ZFHX3: variants seen among roughly 807,000 people sequenced by gnomAD.
The protein encoded by ZFHX3 is zinc finger homeobox 3.
ZFHX3 carries 42 observed loss-of-function variants against 279.1 expected under a neutral mutation model. The observed-to-expected ratio is 0.15, with a 90% CI of 0.12 to 0.19. The LOEUF (loss-of-function observed/expected upper bound fraction) is 0.19. ZFHX3 is among the 10% of genes least tolerant of loss of function. The pLI is 1.00. For missense variants in ZFHX3, 4,981 were observed against 4,754.0 expected (o/e 1.05, Z -1.40); for synonymous variants, 2,293 against 1,957.8 (o/e 1.17, Z -4.52).
chr16:73,675,962 G>A (rs547446991), intron 2 of ZFHX3, among the ~76,000 whole-genome samples: 138 of 151,846 alleles, frequency 9.1e-4, no homozygotes, highest in South Asian at 3.5e-3. Flanking sequence ...TCTAAACAAA[G>A]AATTTAAAAA....
intron 2 of ZFHX3, among the ~76,000 whole-genome samples, chr16:73,491,897 T>C (rs186672049): frequency 1.6e-3 from 250 of 152,280 alleles, no homozygotes; most frequent in Middle Eastern, 3.4e-3. Flanking sequence ...AAATTGTCAA[T>C]GTTGGTGAAG....
At chr16:73,833,016 C>G (rs1961039835) in intron 1 of ZFHX3, among the ~76,000 whole-genome samples, 2 of 152,192 alleles carry the variant, frequency 1.3e-5, no homozygotes, top group South Asian at 4.1e-4. Context: ...AGAAGTCATC[C>G]TGCCCAAGAC....
At chr16:73,223,678 T>G (rs1470361688) in intron 5 of ZFHX3, among the ~76,000 whole-genome samples, 2 of 152,220 alleles carry the variant, frequency 1.3e-5, no homozygotes, top group African/African-American at 4.8e-5. Context: ...CTCTTCCACA[T>G]GATCCAGAAA....
exon 1 of ZFHX3, chr16:73,059,609 C>T (rs1965655374): frequency 7.1e-6 from 1 of 141,678 alleles, no homozygotes; most frequent in African/African-American, 2.6e-5. Context: ...AGAGCATCTC[C>T]AAAGAATGGG....
At chr16:72,981,447 C>T (rs1962596044) in intron 1 of ZFHX3, among the ~76,000 whole-genome samples, 1 of 152,228 alleles carries the variant, frequency 6.6e-6, no homozygotes, top group Non-Finnish European at 1.5e-5. Flanking sequence ...CTTCTTGACT[C>T]AACGGGTTAA....
chr16:72,910,801 C>T (rs1345483718), intron 3 of ZFHX3, among the ~76,000 whole-genome samples: 2 of 152,112 alleles, frequency 1.3e-5, no homozygotes, highest in African/African-American at 4.8e-5. Flanking sequence ...CATTAAAAAA[C>T]AAAACAAAAC....
intron 3 of ZFHX3, among the ~76,000 whole-genome samples, chr16:73,437,965 T>C (rs1196585464): frequency 6.6e-6 from 1 of 152,186 alleles, no homozygotes; most frequent in Non-Finnish European, 1.5e-5. Context: ...GTAATAAGGA[T>C]GATATTCTCT....
intron 6 of ZFHX3, among the ~76,000 whole-genome samples, chr16:73,135,009 C>T (rs1434762183): frequency 1.3e-5 from 2 of 152,052 alleles, no homozygotes; most frequent in African/African-American, 4.8e-5. Context: ...TGTTGCAAAC[C>T]ACTGAGACTC....
intron 2 of ZFHX3, among the ~76,000 whole-genome samples, chr16:73,659,579 A>G (rs1240633273): frequency 6.6e-6 from 1 of 152,126 alleles, no homozygotes; most frequent in East Asian, 1.9e-4. Flanking sequence ...CTCTGTTGTC[A>G]GCTGTATGGA....
At chr16:73,839,739 A>C (rs571266334) in intron 1 of ZFHX3, among the ~76,000 whole-genome samples, 143 of 152,330 alleles carry the variant, frequency 9.4e-4, no homozygotes, top group African/African-American at 3.2e-3. Context: ...CCGTGAATTT[A>C]GCCAAGATCT....
At chr16:72,961,884 TAAACCAAACCAAACCAAACC>T (rs57537362) in intron 1 of ZFHX3, among the ~76,000 whole-genome samples, 2,774 of 149,844 alleles carry the variant, frequency 0.019, 78 homozygotes, top group African/African-American at 0.059. Flanking sequence ...ATGACTACAG[TAAACCAAACCAAACCAAACC>T]AAACCAAACC....
intron 5 of ZFHX3, among the ~76,000 whole-genome samples, chr16:73,245,568 G>C (rs1056975779): frequency 2.0e-5 from 3 of 152,228 alleles, no homozygotes; most frequent in Non-Finnish European, 4.4e-5. Flanking sequence ...CCTCAAATGA[G>C]AGGTAGGTTA....
intron 5 of ZFHX3, among the ~76,000 whole-genome samples, chr16:73,167,296 A>ACT (rs60871199): frequency 0.16 from 24,297 of 152,192 alleles, 2,090 homozygotes; most frequent in Middle Eastern, 0.26. Flanking sequence ...AAGGGGAGAA[A>ACT]CTTCCATTCT....
chr16:73,732,760 G>A (rs1258154277), intron 1 of ZFHX3, among the ~76,000 whole-genome samples: 1 of 152,310 alleles, frequency 6.6e-6, no homozygotes, highest in East Asian at 1.9e-4. Flanking sequence ...AGGACAGTTT[G>A]TGGGGCACTC....
At chr16:73,054,293 A>C (rs1169819248) in intron 1 of ZFHX3, among the ~76,000 whole-genome samples, 1 of 152,174 alleles carries the variant, frequency 6.6e-6, no homozygotes, top group Non-Finnish European at 1.5e-5. Flanking sequence ...CAGAAGCTGA[A>C]AGTGGGCTCG....
At chr16:73,029,236 C>A (rs1964614063) in intron 1 of ZFHX3, among the ~76,000 whole-genome samples, 3 of 152,206 alleles carry the variant, frequency 2.0e-5, no homozygotes, top group Admixed American at 1.3e-4. Flanking sequence ...TATCACCTCC[C>A]AAATGCAGCT....
At chr16:73,788,719 T>TATATATCTATATATAG (rs1172239525) in intron 1 of ZFHX3, among the ~76,000 whole-genome samples, 1,977 of 151,276 alleles carry the variant, frequency 0.013, 51 homozygotes, top group East Asian at 0.074. Context: ...GGAAAATATA[T>TATATATCTATATATAG]ATATATCTAT....
rs1053620642 is a variant in ZFHX3, at chr16:73,521,903, C to T, written c.-1546-65645G>A. 3.3e-5 allele frequency among the ~76,000 whole-genome samples: 5 copies of T among 152,162 alleles called. No homozygotes were observed. The East Asian group carries it at 5.8e-4, about 18-fold the overall frequency. ...GCCCTGGGTCCTTAGAATTCTGACT[C>T]TGCTGAGGTAGTATTTATTTTCCCA... On this transcript the variant is annotated intron_variant, in intron 2 of 17. Coordinates refer to the ZFHX3 transcript ENST00000641206.
At chr16:73,065,442 C>T (rs566792861) in intron 8 of ZFHX3, among the ~76,000 whole-genome samples, 159 of 151,936 alleles carry the variant, frequency 1.0e-3, no homozygotes, top group African/African-American at 3.6e-3. Flanking sequence ...TGTACATATT[C>T]TGAATAAACG....
Sources: gnomAD v4.1 joint callset for allele counts (sites outside exome capture counted in the v4.1 genomes callset) on GRCh38, gnomAD v4.1.1 for gene constraint, MANE v1.5 for transcripts, NCBI Gene and HGNC (gene_info 2026-07-23, HGNC 2026-07-21) for gene names.